IL1RAPL2: variants seen among roughly 807,000 people sequenced by gnomAD.
IL1RAPL2 encodes the protein X-linked interleukin-1 receptor accessory protein-like 2.
Under a neutral mutation model 44.1 loss-of-function variants are expected in IL1RAPL2, and 3 were observed. The observed-to-expected ratio is 0.07, with a 90% CI of 0.03 to 0.18. The LOEUF (loss-of-function observed/expected upper bound fraction) is 0.18, where lower values mean the gene tolerates loss of function less well. Ranked by LOEUF, IL1RAPL2 falls within the 10% of genes least tolerant of loss-of-function variation. The probability of loss-of-function intolerance (pLI) is 1.00; values close to 1 mark genes in which losing one functional copy is unlikely to be tolerated. For synonymous variants in IL1RAPL2, 181 were observed against 178.8 expected, an observed-to-expected ratio of 1.01 and a Z score of -0.10; for missense variants, 391 against 496.4, an observed-to-expected ratio of 0.79 and a Z score of 2.02.
chrX:104,912,565 A>G (rs940307718), intron 2 of IL1RAPL2, among the ~76,000 whole-genome samples: 1 of 111,729 alleles, frequency 9.0e-6, no homozygotes, highest in Non-Finnish European at 1.9e-5. Flanking sequence ...TAGCTTTCCA[A>G]TAGTGACTGT....
intron 5 of IL1RAPL2, among the ~76,000 whole-genome samples, chrX:105,454,315 A>G (rs1427803314): frequency 8.9e-6 from 1 of 111,806 alleles, no homozygotes; most frequent in Non-Finnish European, 1.9e-5. Flanking sequence ...ATAACTTGCA[A>G]CAATATGGTG....
intron 5 of IL1RAPL2, among the ~76,000 whole-genome samples, chrX:105,464,528 C>T (rs1184496111): frequency 9.0e-6 from 1 of 111,360 alleles, no homozygotes; most frequent in African/African-American, 3.3e-5. Context: ...TAAATGAATA[C>T]AAAAACACTT....
At chrX:105,440,387 A>G (rs1276422379) in intron 5 of IL1RAPL2, among the ~76,000 whole-genome samples, 3 of 112,196 alleles carry the variant, frequency 2.7e-5, no homozygotes, top group East Asian at 2.8e-4. Context: ...TAATCCTTCA[A>G]TAGTGAAGTC....
chrX:105,716,090 C>G (rs1036284801), intron 6 of IL1RAPL2, among the ~76,000 whole-genome samples: 1 of 111,427 alleles, frequency 9.0e-6, no homozygotes, highest in African/African-American at 3.3e-5. Flanking sequence ...GATGAAAATA[C>G]AGCAATGAAA....
intron 2 of IL1RAPL2, among the ~76,000 whole-genome samples, chrX:104,706,933 C>A (rs993947202): frequency 9.0e-6 from 1 of 110,752 alleles, no homozygotes; most frequent in Non-Finnish European, 1.9e-5. Context: ...GTACATGTAC[C>A]CTTTTAGAAT....
intron 2 of IL1RAPL2, among the ~76,000 whole-genome samples, chrX:104,986,600 G>C (rs773287449): frequency 8.9e-6 from 1 of 112,158 alleles, no homozygotes; most frequent in East Asian, 2.8e-4. Context: ...AATTATCTGA[G>C]TGAAATAATT....
chrX:105,058,390 T>C (rs1212044435), intron 2 of IL1RAPL2, among the ~76,000 whole-genome samples: 2 of 111,873 alleles, frequency 1.8e-5, no homozygotes, highest in Non-Finnish European at 3.8e-5. Flanking sequence ...CTGGCCTGAT[T>C]GGTTATTTTA....
chrX:104,759,415 C>T (rs904891289), intron 2 of IL1RAPL2, among the ~76,000 whole-genome samples: 13 of 111,905 alleles, frequency 1.2e-4, no homozygotes, highest in African/African-American at 3.9e-4. Flanking sequence ...TTGCTTTAGA[C>T]TCTGTTTCAT....
At chrX:105,107,595 T>G (rs2032756641) in intron 2 of IL1RAPL2, among the ~76,000 whole-genome samples, 1 of 111,595 alleles carries the variant, frequency 9.0e-6, no homozygotes, top group Admixed American at 9.5e-5. Flanking sequence ...AATGATAAAG[T>G]GGGGAGTTTG....
intron 6 of IL1RAPL2, among the ~76,000 whole-genome samples, chrX:105,595,660 G>C (rs369876730): frequency 3.6e-5 from 4 of 111,240 alleles, no homozygotes; most frequent in South Asian, 7.5e-4. Flanking sequence ...GCTTTGCTAA[G>C]AGGGTGATGC....
intron 2 of IL1RAPL2, among the ~76,000 whole-genome samples, chrX:104,787,340 T>C (rs1045128638): frequency 9.0e-6 from 1 of 111,423 alleles, no homozygotes; most frequent in Non-Finnish European, 1.9e-5. Flanking sequence ...TGCAGTACTG[T>C]GATTATGTGT....
chrX:104,936,977 T>C (rs1925044418), intron 2 of IL1RAPL2, among the ~76,000 whole-genome samples: 1 of 111,862 alleles, frequency 8.9e-6, no homozygotes, highest in Admixed American at 9.5e-5. Flanking sequence ...GTTGTATTGC[T>C]TAGAGCAGAG....
intron 6 of IL1RAPL2, among the ~76,000 whole-genome samples, chrX:105,564,927 C>T (rs1258385599): frequency 8.9e-6 from 1 of 112,447 alleles, no homozygotes; most frequent in Non-Finnish European, 1.9e-5. Context: ...AACAAAGCAG[C>T]AAAGACACTT....
chrX:105,585,337 T>G, intron 6 of IL1RAPL2, among the ~76,000 whole-genome samples: 1 of 110,206 alleles, frequency 9.1e-6, no homozygotes, highest in Middle Eastern at 4.7e-3. Flanking sequence ...CAGACTCAGT[T>G]GAGGGATGCA....
At chrX:105,573,505 T>C (rs1458041121) in intron 6 of IL1RAPL2, among the ~76,000 whole-genome samples, 1 of 111,130 alleles carries the variant, frequency 9.0e-6, no homozygotes, top group Admixed American at 9.6e-5. Flanking sequence ...TAAAGAAAGA[T>C]TGAAGTTGAA....
At chrX:105,000,462 C>A (rs974983591) in intron 2 of IL1RAPL2, among the ~76,000 whole-genome samples, 25 of 110,597 alleles carry the variant, frequency 2.3e-4, no homozygotes, top group African/African-American at 8.2e-4. Context: ...TGATATGGAC[C>A]CTACCTGAGA....
At chrX:105,222,824 G>A (rs2033978922) in intron 3 of IL1RAPL2, among the ~76,000 whole-genome samples, 1 of 111,056 alleles carries the variant, frequency 9.0e-6, no homozygotes, top group East Asian at 2.8e-4. Flanking sequence ...AATTTTTTGG[G>A]ATGAGTTCAC....
At chrX:105,080,113 A>G (rs942139317) in intron 2 of IL1RAPL2, among the ~76,000 whole-genome samples, 7 of 112,153 alleles carry the variant, frequency 6.2e-5, no homozygotes, top group Non-Finnish European at 1.3e-4. Context: ...TAGATTCCGG[A>G]TATTAGCCCT....
chrX:105,578,078 G>A (rs2037063754), intron 6 of IL1RAPL2, among the ~76,000 whole-genome samples: 1 of 87,868 alleles, frequency 1.1e-5, no homozygotes, highest in African/African-American at 4.6e-5. Flanking sequence ...TCCCCTTCCT[G>A]TGTCCATGTG....
Sources: gnomAD v4.1 joint callset for allele counts (sites outside exome capture counted in the v4.1 genomes callset) on GRCh38, gnomAD v4.1.1 for gene constraint, MANE v1.5 for transcripts, NCBI Gene and HGNC (gene_info 2026-07-23, HGNC 2026-07-21) for gene names.